Variants in NUP210L observed in about 807,000 individuals in gnomAD.
NUP210L encodes nuclear pore membrane glycoprotein 210-like.
NUP210L carries 74 observed loss-of-function variants against 208.5 expected under a neutral mutation model. That is an observed-to-expected ratio of 0.35 (90% CI 0.29 to 0.43). NUP210L has a LOEUF of 0.43. Among genes scored for constraint, NUP210L ranks in the 20% least tolerant of loss-of-function variants. The pLI, the probability that NUP210L is intolerant of heterozygous loss-of-function variation, is 1.00. For missense variants in NUP210L, 1,843 were observed against 2,289.4 expected, an observed-to-expected ratio of 0.81 and a Z score of 3.98; for synonymous variants, 780 against 816.9, an observed-to-expected ratio of 0.95 and a Z score of 0.77.
chr1:154,139,687 C>CAAAAA (rs879154434), intron 5 of NUP210L, 115 bp downstream of exon 5: 7 of 544,416 alleles, frequency 1.3e-5, no homozygotes, highest in East Asian at 7.8e-5. Context: ...AACAAACAAA[C>CAAAAA]AAAAAAAAAA....
chr1:154,025,234 A>G (rs148009529), intron 30 of NUP210L, among the ~76,000 whole-genome samples: 2,272 of 151,918 alleles, frequency 0.015, 50 homozygotes, highest in African/African-American at 0.051. Context: ...GGCCAGGCTG[A>G]TCTGTTTTAT....
chr1:154,115,644 T>C (rs1657282399), intron 12 of NUP210L, among the ~76,000 whole-genome samples: 1 of 152,190 alleles, frequency 6.6e-6, no homozygotes, highest in African/African-American at 2.4e-5. Flanking sequence ...CATATCATTT[T>C]CTTAAAATGT....
chr1:154,154,800 T>G (rs1659613392), intron 1 of NUP210L, 42 bp downstream of exon 1: 5 of 1,471,732 alleles, frequency 3.4e-6, no homozygotes, highest in Non-Finnish European at 4.8e-6. Context: ...CCTTACTGGA[T>G]GGTAGTGAGG....
intron 18 of NUP210L, 91 bp downstream of exon 18, chr1:154,061,495 C>G (rs1654134636): frequency 1.3e-6 from 1 of 782,258 alleles, no homozygotes. Flanking sequence ...GGTATATAGT[C>G]TCAGCTTTAT....
At chr1:154,071,156 G>C (rs1654703082) in intron 16 of NUP210L, among the ~76,000 whole-genome samples, 1 of 151,302 alleles carries the variant, frequency 6.6e-6, no homozygotes, top group Non-Finnish European at 1.5e-5. Context: ...GAGTATAGCA[G>C]TGTGACCATG....
rs150546033 is a variant in NUP210L, at chr1:154,112,620, C to T, written c.1620+5105G>A. On this transcript the variant is annotated intron_variant, in intron 12 of 39. Transcript: ENST00000368559. ...TTAAAAATTACAGCACTTTGGGAGG[C>T]CAAGGCGGGAAGATCGCTTGAGCCC... is the stretch of plus-strand genomic sequence containing the variant. Among the ~76,000 whole-genome samples the T allele has an allele frequency of 8.4e-3, 1,273 of 152,150 alleles. 12 individuals are homozygous for T. Among genetic ancestry groups the T allele is most frequent in the Admixed American group, 0.013 (200 of 15,264 alleles).
At chr1:154,135,221 T>G (rs1461521496) in intron 7 of NUP210L, among the ~76,000 whole-genome samples, 1 of 152,144 alleles carries the variant, frequency 6.6e-6, no homozygotes, top group African/African-American at 2.4e-5. Context: ...CAAACTCCGT[T>G]TTCCCCATTC....
chr1:154,154,984 G>C, exon 1 of NUP210L: 4 of 1,614,042 alleles, frequency 2.5e-6, no homozygotes, highest in Non-Finnish European at 3.4e-6. Flanking sequence ...AGGCGGTGTA[G>C]ACGCAAGAAG....
chr1:154,062,013 A>C (rs1654168408), intron 17 of NUP210L, among the ~76,000 whole-genome samples: 1 of 151,890 alleles, frequency 6.6e-6, no homozygotes, highest in African/African-American at 2.4e-5. Flanking sequence ...TTTTTAGTAG[A>C]GATGGGGTTT....
exon 15 of NUP210L, chr1:154,095,004 C>T (rs760585897): frequency 1.2e-6 from 2 of 1,614,158 alleles, no homozygotes; most frequent in Non-Finnish European, 1.7e-6. Context: ...ATGGCAGCCA[C>T]ACTTGTGCTA....
At chr1:154,045,618 G>C (rs1057388431) in intron 27 of NUP210L, among the ~76,000 whole-genome samples, 3 of 152,174 alleles carry the variant, frequency 2.0e-5, no homozygotes. Context: ...AGAGTTCAGA[G>C]TTCAGAGAAC....
At chr1:154,028,322 C>T (rs966659375) in intron 28 of NUP210L, among the ~76,000 whole-genome samples, 2 of 152,172 alleles carry the variant, frequency 1.3e-5, no homozygotes, top group African/African-American at 4.8e-5. Flanking sequence ...CGCGGTGGCT[C>T]ATACCTGTAA....
At chr1:154,048,146 G>A (rs1046995406) in intron 25 of NUP210L, among the ~76,000 whole-genome samples, 2 of 152,174 alleles carry the variant, frequency 1.3e-5, no homozygotes, top group African/African-American at 4.8e-5. Flanking sequence ...CAAAGAGGAA[G>A]AGGTTCATCC....
intron 23 of NUP210L, among the ~76,000 whole-genome samples, 173 bp downstream of exon 23, chr1:154,056,642 T>C (rs1653884384): frequency 6.6e-6 from 1 of 152,160 alleles, no homozygotes; most frequent in African/African-American, 2.4e-5. Context: ...GGTGGTTTCA[T>C]ACTCCTGGGT....
At chr1:153,995,489 C>A in intron 37 of NUP210L, 1 of 581,842 alleles carries the variant, frequency 1.7e-6, no homozygotes, top group South Asian at 1.9e-5. Context: ...TTCTTCCTAT[C>A]TCCAGAGTAA....
chr1:153,995,029 G>T (rs1303624281), intron 38 of NUP210L, 47 bp downstream of exon 38: 8 of 1,032,816 alleles, frequency 7.7e-6, no homozygotes, highest in Non-Finnish European at 1.1e-5. Flanking sequence ...AAAAAAAAAA[G>T]GCAGTTTTCA....
exon 32 of NUP210L, chr1:154,022,193 C>G: frequency 6.2e-7 from 1 of 1,614,146 alleles, no homozygotes; most frequent in Non-Finnish European, 8.5e-7. Flanking sequence ...TGGTGTCTGG[C>G]TCAATGGCAT....
intron 15 of NUP210L, among the ~76,000 whole-genome samples, chr1:154,092,445 C>T (rs1375204969): frequency 6.6e-6 from 1 of 150,908 alleles, no homozygotes; most frequent in Non-Finnish European, 1.5e-5. Flanking sequence ...TCTCAGCTCA[C>T]CTCAACCTCT....
rs1571283792 is a variant in NUP210L at position 154,110,091 on chromosome 1, A to G, written c.1621-5881T>C. 2.0e-5 allele frequency among the ~76,000 whole-genome samples: 3 copies of G among 150,376 alleles called. No homozygotes were observed. The South Asian group carries it at 6.3e-4, about 31-fold the overall frequency. On this transcript the variant is annotated intron_variant, in intron 12 of 39. Coordinates refer to ENST00000368559, the Ensembl canonical transcript of NUP210L. ...TCTAATAAAAATACAAAAAATTAGC[A>G]GGGCATGGAAACGTGCACCTGTAAT...
Sources: gnomAD v4.1 joint callset for allele counts (sites outside exome capture counted in the v4.1 genomes callset) on GRCh38, gnomAD v4.1.1 for gene constraint, MANE v1.5 for transcripts, NCBI Gene and HGNC (gene_info 2026-07-23, HGNC 2026-07-21) for gene names.